IMMP2L: variants seen among roughly 807,000 people sequenced by gnomAD.
IMMP2L encodes mitochondrial inner membrane protease subunit 2.
Under a neutral mutation model 19.3 loss-of-function variants are expected in IMMP2L, and 18 were observed. That is an observed-to-expected ratio of 0.93 (90% CI 0.64 to 1.38). The LOEUF is 1.38. Ranked by LOEUF, IMMP2L falls within the 40% of genes most tolerant of loss-of-function variation. IMMP2L has a pLI of 0.00. For missense variants in IMMP2L, 233 were observed against 218.2 expected, an observed-to-expected ratio of 1.07 and a Z score of -0.43; for synonymous variants, 76 against 73.0, an observed-to-expected ratio of 1.04 and a Z score of -0.21.
rs1794200755 is a variant in IMMP2L at position 110,700,450 on chromosome 7, T to C, written c.409-36729A>G. On this transcript the variant is annotated intron_variant, in intron 5 of 5. Transcript: ENST00000405709. The stretch of plus-strand genomic sequence containing the variant: ...CTTTGGTGAATCTCATTTTTCCAAA[T>C]ATTCAGGCCGTAACTACTGCAATCC... 2.0e-5 allele frequency among the ~76,000 whole-genome samples: 3 copies of C among 152,188 alleles called. 1 individual carries two copies. Among genetic ancestry groups the C allele is most frequent in the South Asian group, 4.1e-4 (2 of 4,834 alleles).
At chr7:111,041,246 T>C (rs1418512167) in intron 3 of IMMP2L, among the ~76,000 whole-genome samples, 1 of 152,064 alleles carries the variant, frequency 6.6e-6, no homozygotes, top group Non-Finnish European at 1.5e-5. Context: ...AAACTAAACT[T>C]AGCTGAGGTG....
chr7:111,007,231 C>T (rs375386067), intron 3 of IMMP2L, among the ~76,000 whole-genome samples: 64 of 152,236 alleles, frequency 4.2e-4, no homozygotes, highest in Non-Finnish European at 7.4e-4. Context: ...TAAGAATTCA[C>T]TCATTATCAT....
intron 3 of IMMP2L, among the ~76,000 whole-genome samples, chr7:111,439,997 C>G (rs1384889189): frequency 1.3e-5 from 2 of 151,906 alleles, no homozygotes; most frequent in African/African-American, 2.4e-5. Context: ...AGAAGCACCT[C>G]CTCATCCGTT....
At chr7:111,004,486 T>C (rs1463148280) in intron 3 of IMMP2L, among the ~76,000 whole-genome samples, 1 of 152,134 alleles carries the variant, frequency 6.6e-6, no homozygotes, top group East Asian at 1.9e-4. Flanking sequence ...CATAAAGCAC[T>C]TAGGTCATTG....
intron 5 of IMMP2L, among the ~76,000 whole-genome samples, chr7:110,712,911 G>T (rs1231002874): frequency 6.3e-5 from 9 of 142,222 alleles, no homozygotes; most frequent in Non-Finnish European, 1.4e-4. Context: ...ACACTGTCTG[G>T]CACTCCCTGG....
At chr7:111,085,627 T>G (rs955774710) in intron 3 of IMMP2L, among the ~76,000 whole-genome samples, 1 of 152,208 alleles carries the variant, frequency 6.6e-6, no homozygotes, top group Non-Finnish European at 1.5e-5. Context: ...ACATATTTCT[T>G]TTTTTGAGAA....
At chr7:110,721,517 C>T (rs1173404549) in intron 5 of IMMP2L, among the ~76,000 whole-genome samples, 1 of 151,826 alleles carries the variant, frequency 6.6e-6, no homozygotes, top group East Asian at 1.9e-4. Context: ...AGCAAAAGAA[C>T]AGACTATGAC....
chr7:111,472,209 A>G (rs993770431), intron 3 of IMMP2L, among the ~76,000 whole-genome samples: 1 of 152,084 alleles, frequency 6.6e-6, no homozygotes, highest in Non-Finnish European at 1.5e-5. Flanking sequence ...CTCTGAATTT[A>G]TTTCAACCAA....
chr7:111,520,623 C>T lies in IMMP2L; in HGVS notation c.135+690G>A, dbSNP rs552744566. On this transcript the variant is annotated intron_variant, in intron 2 of 5. Coordinates refer to ENST00000405709, the MANE Select transcript of IMMP2L (RefSeq NM_032549.4). ...TGTTTTATACAACTATTTACCACAA[C>T]GCATGAACTTAATACATATTGATAA... Among the ~76,000 whole-genome samples the T allele has an allele frequency of 1.4e-4, 21 of 152,172 alleles. 1 individual carries two copies. The East Asian group carries it at 2.5e-3, about 18-fold the overall frequency.
At chr7:111,304,079 T>C (rs1003124185) in intron 3 of IMMP2L, among the ~76,000 whole-genome samples, 5 of 152,084 alleles carry the variant, frequency 3.3e-5, no homozygotes, top group Non-Finnish European at 7.4e-5. Context: ...CTAAAATGAA[T>C]TGAAGAAACT....
chr7:110,760,648 C>T lies in IMMP2L; in HGVS notation c.409-96927G>A, dbSNP rs59617136. 3.3e-3 allele frequency among the ~76,000 whole-genome samples: 510 copies of T among 152,274 alleles called. 3 individuals carry two copies. Among genetic ancestry groups the T allele is most frequent in the African/African-American group, 0.012 (481 of 41,558 alleles). ...CGTGTTGGTTACGTTTTCCTTCCAACATATCACAGAATTGAATCTTTTTTG... is the reference window on the plus strand; with the variant it reads ...CGTGTTGGTTACGTTTTCCTTCCAATATATCACAGAATTGAATCTTTTTTG... On this transcript the variant is annotated intron_variant, in intron 5 of 5. Coordinates refer to ENST00000405709, the MANE Select transcript of IMMP2L (RefSeq NM_032549.4). This position sits in a 1 kb window ranked among gnomAD's most constrained non-coding sequence, Gnocchi z 4.2.
intron 4 of IMMP2L, among the ~76,000 whole-genome samples, chr7:110,891,324 ACT>A (rs1345264216): frequency 3.9e-5 from 6 of 152,080 alleles, no homozygotes; most frequent in East Asian, 1.9e-4. Context: ...AGAGAAAAAA[ACT>A]CTCTCTTGAG....
At chr7:111,516,696 G>C (rs983902166) in intron 2 of IMMP2L, among the ~76,000 whole-genome samples, 13 of 152,064 alleles carry the variant, frequency 8.5e-5, no homozygotes, top group Admixed American at 3.3e-4. Context: ...TAAATACAAA[G>C]TCTCTATTAA....
At chr7:110,966,006 T>C (rs1047530822) in intron 3 of IMMP2L, among the ~76,000 whole-genome samples, 11 of 152,004 alleles carry the variant, frequency 7.2e-5, no homozygotes, top group African/African-American at 1.7e-4. Context: ...AAAGCATTAC[T>C]GTCTATTTTA....
At chr7:110,910,534 C>T (rs1812942258) in intron 4 of IMMP2L, among the ~76,000 whole-genome samples, 1 of 152,004 alleles carries the variant, frequency 6.6e-6, no homozygotes, top group South Asian at 2.1e-4. Context: ...AGGATGGCAA[C>T]AGTGTGAAAA....
intron 3 of IMMP2L, among the ~76,000 whole-genome samples, chr7:111,079,358 C>A (rs1795692562): frequency 6.6e-6 from 1 of 151,872 alleles, no homozygotes; most frequent in Non-Finnish European, 1.5e-5. Context: ...ACCTCGTGAT[C>A]CACCCACCTC....
intron 3 of IMMP2L, among the ~76,000 whole-genome samples, chr7:111,350,124 T>G (rs1828002426): frequency 1.3e-5 from 2 of 151,750 alleles, no homozygotes; most frequent in South Asian, 4.2e-4. Flanking sequence ...CACGCCACCA[T>G]GCCAGGCTAA....
At chr7:111,348,808 T>A (rs1827846123) in intron 3 of IMMP2L, among the ~76,000 whole-genome samples, 1 of 152,124 alleles carries the variant, frequency 6.6e-6, no homozygotes, top group Non-Finnish European at 1.5e-5. Flanking sequence ...ACATATTAGC[T>A]GACTCTGACA....
intron 3 of IMMP2L, among the ~76,000 whole-genome samples, chr7:110,994,590 G>C (rs955399291): frequency 3.3e-5 from 5 of 152,122 alleles, no homozygotes; most frequent in Non-Finnish European, 5.9e-5. Context: ...CACCAAAAAG[G>C]AAACTGGTTT....
Sources: gnomAD v4.1 joint callset for allele counts (sites outside exome capture counted in the v4.1 genomes callset) on GRCh38, gnomAD v4.1.1 for gene constraint, Gnocchi (gnomAD v3.1) non-coding constraint, MANE v1.5 for transcripts, NCBI Gene and HGNC (gene_info 2026-07-23, HGNC 2026-07-21) for gene names.